ROBO3: variants seen among roughly 807,000 people sequenced by gnomAD.
ROBO3 encodes roundabout guidance receptor 3.
A neutral mutation model predicts 160.5 loss-of-function variants in ROBO3; 97 were observed. The observed-to-expected ratio is 0.60, with a 90% CI of 0.51 to 0.72. The LOEUF is 0.72. Ranked by LOEUF, ROBO3 falls within the 30% of genes least tolerant of loss-of-function variation. The pLI is 0.00. For missense variants in ROBO3, 1,858 were observed against 1,846.5 expected, an observed-to-expected ratio of 1.01 and a Z score of -0.11; for synonymous variants, 780 against 746.2, an observed-to-expected ratio of 1.05 and a Z score of -0.74.
intron 19 of ROBO3, 42 bp from the exon 20 acceptor site, chr11:124,877,477 C>T (rs1240416073): frequency 1.2e-6 from 2 of 1,600,310 alleles, no homozygotes; most frequent in Non-Finnish European, 1.7e-6. Context: ...TTGCTGGCCT[C>T]TTCAGGCTCT....
Position 124,878,862 on chromosome 11 carries a change from G to A in ROBO3, c.3533+66G>A. ...ATACGTATCTACTCAGTAGATGACTGGGTGGGTGGATGGATGGATGGGTGG... is the reference window on the plus strand; with the variant it reads ...ATACGTATCTACTCAGTAGATGACTAGGTGGGTGGATGGATGGATGGGTGG... On this transcript the variant is annotated intron_variant, in intron 23 of 27. Coordinates refer to ENST00000397801, the MANE Select transcript of ROBO3 (RefSeq NM_022370.4). This position sits in a 1 kb window ranked among gnomAD's most constrained non-coding sequence, Gnocchi z 4.3. The A allele has an allele frequency of 1.5e-6, 2 of 1,333,564 alleles. No individual in the cohort carries two copies. Among genetic ancestry groups the A allele is most frequent in the Non-Finnish European group, 2.1e-6 (2 of 951,708 alleles). The allele number at this position is 1,333,564 out of a possible 1,614,324, so 82.6% of individuals were successfully genotyped here.
intron 27 of ROBO3, 133 bp downstream of exon 27, chr11:124,880,741 G>A (rs1384806491): frequency 8.3e-6 from 11 of 1,320,404 alleles, no homozygotes; most frequent in African/African-American, 1.5e-5. Context: ...AGGGTGAGGG[G>A]GAGGGAGGAA....
intron 1 of ROBO3, 77 bp from the exon 2 acceptor site, chr11:124,868,725 T>G: frequency 1.4e-6 from 2 of 1,381,584 alleles, no homozygotes; most frequent in Non-Finnish European, 2.0e-6. Context: ...GACCAGAGGA[T>G]TCTCTTTCCC....
intron 26 of ROBO3, 97 bp downstream of exon 26, chr11:124,880,045 A>T: frequency 8.2e-7 from 1 of 1,215,652 alleles, no homozygotes; most frequent in Non-Finnish European, 1.1e-6. Flanking sequence ...CCCTCCCTTT[A>T]GTTAGGTTCA....
chr11:124,873,243 C>T lies in ROBO3; in HGVS notation c.1537-67C>T, dbSNP rs1180255749. ...CAACATCTTCCCATCCTTCTGCTAC[C>T]CGCCTCCACCCCCTCACTGGATCTT... On this transcript the variant is annotated intron_variant, in intron 9 of 27. Transcript: ENST00000397801. The surrounding 1 kb of genome is among the most constrained non-coding windows in gnomAD (Gnocchi z 4.5). 8 of 1,477,620 alleles carry T rather than the reference C, an allele frequency of 5.4e-6. No individual in the cohort carries two copies. In the East Asian group the frequency reaches 1.7e-4, roughly 31 times the overall value. The allele number at this position is 1,477,620 out of a possible 1,614,324, so 91.5% of individuals were successfully genotyped here.
intron 14 of ROBO3, 71 bp downstream of exon 14, chr11:124,875,407 T>G: frequency 1.1e-5 from 14 of 1,330,994 alleles, no homozygotes; most frequent in East Asian, 3.3e-5. Context: ...GGAGGGGGGA[T>G]GAAAATTTGC....
chr11:124,874,110 G>C lies in ROBO3; in HGVS notation c.1825G>C (p.Val609Leu). The C allele has an allele frequency of 1.2e-6, 2 of 1,613,976 alleles. No homozygotes were observed. The highest frequency in any genetic ancestry group is 1.7e-6 in the Non-Finnish European group (2 of 1,179,884). The change falls in exon 12 of 28, where the codon GTG becomes CTG. Residue 609 changes from valine to leucine, a missense_variant. Coordinates refer to ENST00000397801, the MANE Select transcript of ROBO3 (RefSeq NM_022370.4). Reference protein sequence around the residue: ...GNTWRTVADGVQLETHTVSGL... With the variant: ...GNTWRTVADGLQLETHTVSGL... ...CACATGGCGTACTGTGGCAGATGGC[G>C]TGCAGCTGGAGACACACACAGTCAG...
chr11:124,869,432 C>T lies in ROBO3; in HGVS notation c.488-18C>T, dbSNP rs1408992180. On this transcript the variant is annotated intron_variant, in intron 2 of 27. Coordinates refer to ENST00000397801, the MANE Select transcript of ROBO3 (RefSeq NM_022370.4). The surrounding 1 kb of genome is among the most constrained non-coding windows in gnomAD (Gnocchi z 4.2). Reference sequence around the variant, plus strand: ...CACTCTACACCCTGCTTATTTCGCCCCCCACCGCCCCGCCCAGTCCTCCGT... The same window carrying T: ...CACTCTACACCCTGCTTATTTCGCCTCCCACCGCCCCGCCCAGTCCTCCGT... The T allele has an allele frequency of 2.3e-6, 3 of 1,289,338 alleles. No individual in the cohort carries two copies. The highest frequency in any genetic ancestry group is 3.3e-6 in the Non-Finnish European group (3 of 911,660). The allele number at this position is 1,289,338 out of a possible 1,614,324, so 79.9% of individuals were successfully genotyped here. A position where few individuals can be genotyped will look rare whatever the true frequency, so the allele number is the denominator to read the frequency against.
Position 124,873,735 on chromosome 11 carries a change from A to C in ROBO3, c.1657A>C (p.Ser553Arg). The change falls in exon 11 of 28, where the codon AGT (serine) becomes CGT (arginine). Residue 553 changes from serine to arginine, a missense_variant. By Grantham distance (110) the Ser-to-Arg change is moderately radical. Transcript: ENST00000397801. The surrounding 1 kb of genome is among the most constrained non-coding windows in gnomAD (Gnocchi z 4.5). ...GVSPDPPTEP[S>R]SPPGAPSQPV... is the part of the protein sequence containing the mutation. ...ATCACCAGACCCCCCTACAGAACCC[A>C]GTTCCCCTCCGGGGGCTCCCTCTCA... The C allele has an allele frequency of 6.2e-7, 1 of 1,613,862 alleles. No homozygotes were observed. The highest frequency in any genetic ancestry group is 8.5e-7 in the Non-Finnish European group (1 of 1,179,828).
Position 124,876,056 on chromosome 11 carries a change from C to T in ROBO3, c.2524C>T (p.Arg842Ter), listed in dbSNP as rs4608088. The T allele has an allele frequency of 6.2e-7, 1 of 1,609,900 alleles. No individual in the cohort carries two copies. The highest frequency in any genetic ancestry group is 1.7e-5 in the Admixed American group (1 of 59,650). The change falls in exon 16 of 28, where the codon CGA (arginine) becomes TGA (stop). Residue 842 changes from arginine (R) to a stop codon, truncating the protein, a stop_gained. Coordinates refer to ENST00000397801, the MANE Select transcript of ROBO3 (RefSeq NM_022370.4). LOFTEE classifies it high-confidence loss of function. This position sits in a 1 kb window ranked among gnomAD's most constrained non-coding sequence, Gnocchi z 5.3. ...AGGACTGGTGCCCGGTCTCCTCTAT[C>T]GAACCCTGGTCGCGGCGGCCACCAG... ...LRGLVPGLLYRTLVAAATSAG... is the reference protein window; with the variant it reads ...LRGLVPGLLY
intron 5 of ROBO3, 141 bp downstream of exon 5, chr11:124,870,444 C>G: frequency 2.1e-6 from 3 of 1,456,728 alleles, no homozygotes; most frequent in Non-Finnish European, 2.8e-6. Context: ...CAGTCCTATC[C>G]AGTCCCCACC....
At position 124,872,316 on chromosome 11, in the gene ROBO3, A is replaced by G. The variant is rs1214168066; in HGVS notation, c.1159-65A>G. ...TCTCTGAATTTTGAGATTGACAGGA[A>G]TGGGGACCTCTCCCTGCCCAGCTGC... On this transcript the variant is annotated intron_variant, in intron 7 of 27. Transcript: ENST00000397801. The surrounding 1 kb of genome is among the most constrained non-coding windows in gnomAD (Gnocchi z 4.3). 13 of 1,403,936 alleles carry G rather than the reference A, an allele frequency of 9.3e-6. No homozygotes were observed. In the African/African-American group the frequency reaches 1.7e-4, roughly 18 times the overall value. 87.0% of individuals were successfully genotyped at this position (1,403,936 alleles called of 1,614,324 possible).
chr11:124,873,212 A>G lies in ROBO3; in HGVS notation c.1537-98A>G. The G allele has an allele frequency of 7.2e-7, 1 of 1,387,028 alleles. No individual in the cohort carries two copies. The highest frequency in any genetic ancestry group is 1.0e-6 in the Non-Finnish European group (1 of 998,032). 85.9% of individuals were successfully genotyped at this position (1,387,028 alleles called of 1,614,324 possible). A position where few individuals can be genotyped will look rare whatever the true frequency, so the allele number is the denominator to read the frequency against. The stretch of plus-strand genomic sequence containing the variant: ...ACCCCTCTGTTCTCTCAGAGCACCT[A>G]GTATCCAACATCTTCCCATCCTTCT... On this transcript the variant is annotated intron_variant, in intron 9 of 27. Coordinates refer to ENST00000397801, the MANE Select transcript of ROBO3 (RefSeq NM_022370.4). The surrounding 1 kb of genome is among the most constrained non-coding windows in gnomAD (Gnocchi z 4.5).
intron 25 of ROBO3, 104 bp downstream of exon 25, chr11:124,879,679 A>G: frequency 1.9e-6 from 3 of 1,548,638 alleles, no homozygotes; most frequent in South Asian, 2.3e-5. Context: ...GGTGAACCCC[A>G]ATCTTGGGCT....
Position 124,869,267 on chromosome 11 carries a change from T to A in ROBO3, c.487+139T>A, listed in dbSNP as rs1413418330. The A allele has an allele frequency of 2.7e-6, 3 of 1,129,414 alleles. No individual in the cohort carries two copies. The highest frequency in any genetic ancestry group is 3.9e-6 in the Non-Finnish European group (3 of 771,316). The allele number at this position is 1,129,414 out of a possible 1,614,324, so 70.0% of individuals were successfully genotyped here. On this transcript the variant is annotated intron_variant, in intron 2 of 27. Coordinates refer to ENST00000397801, the MANE Select transcript of ROBO3 (RefSeq NM_022370.4). This position sits in a 1 kb window ranked among gnomAD's most constrained non-coding sequence, Gnocchi z 4.2. ...TTCTTTGGGACCGCGACCTTTGATC[T>A]CTAATGGCCACACCACGGCCAGAGA...
chr11:124,875,777 T>C, intron 15 of ROBO3, 92 bp downstream of exon 15: 1 of 1,508,414 alleles, frequency 6.6e-7, no homozygotes, highest in Non-Finnish European at 9.1e-7. Context: ...GGAAATCTAT[T>C]ACAGGTTTGG....
In ROBO3 at chr11:124,872,114, GGCTCAGGCAGGTTAAACA is replaced by G. The variant is rs1219125328; in HGVS notation, c.1159-263_1159-246del. Among the ~76,000 whole-genome samples, 1 of 152,168 alleles carries G rather than the reference GGCTCAGGCAGGTTAAACA, an allele frequency of 6.6e-6. No homozygotes were observed. The highest frequency in any genetic ancestry group is 1.5e-5 in the Non-Finnish European group (1 of 68,042). On this transcript the variant is annotated intron_variant, in intron 7 of 27. Transcript: ENST00000397801. The surrounding 1 kb of genome is among the most constrained non-coding windows in gnomAD (Gnocchi z 4.3). ...CTAGAAGTCAAATTTGGGAAATTGG[GGCTCAGGCAGGTTAAACA>G]GCTTGTTCAGGGTTTCCCCACTAGT...
chr11:124,877,254 T>A lies in ROBO3; in HGVS notation c.2804-13T>A, dbSNP rs370094619. The A allele has an allele frequency of 6.2e-7, 1 of 1,613,796 alleles. No individual in the cohort carries two copies. Among genetic ancestry groups the A allele is most frequent in the Non-Finnish European group, 8.5e-7 (1 of 1,179,842 alleles). ...GCCCTTCTCTCACTCATTCGCCCCC[T>A]CATTTTCCCCAGTGTCCTTCCCGCA... On this transcript the variant is annotated splice_polypyrimidine_tract_variant and intron_variant, in intron 18 of 27. Coordinates refer to ENST00000397801, the MANE Select transcript of ROBO3 (RefSeq NM_022370.4).
rs1946233027 is a variant in ROBO3, at chr11:124,868,496, T to C, written c.161-306T>C. The stretch of plus-strand genomic sequence containing the variant: ...CCAAGCGTGGTTCAGCCACTCCCGC[T>C]TAAACTTGGCAGGAGAGGAGACGGA... On this transcript the variant is annotated intron_variant, in intron 1 of 27. Transcript: ENST00000397801. 7 of 596,884 alleles carry C rather than the reference T, an allele frequency of 1.2e-5. No individual in the cohort carries two copies. The South Asian group carries it at 1.2e-4, about 10-fold the overall frequency. 37.0% of individuals were successfully genotyped at this position (596,884 alleles called of 1,614,324 possible).
Sources: allele counts gnomAD v4.1 joint callset (sites outside exome capture counted in the v4.1 genomes callset), GRCh38; gene constraint gnomAD v4.1.1; non-coding constraint Gnocchi (gnomAD v3.1); transcripts MANE v1.5; gene names NCBI Gene and HGNC (gene_info 2026-07-23, HGNC 2026-07-21).